The following CTNNA1 variants were observed in gnomAD, a reference collection of about 807,000 sequenced individuals.
The protein encoded by CTNNA1 is catenin alpha-1.
In CTNNA1, 37 loss-of-function variants were observed where a neutral mutation model predicts 98.4. That is an observed-to-expected ratio of 0.38 (90% CI 0.29 to 0.49). The LOEUF is 0.49. CTNNA1 is among the 20% of genes least tolerant of loss of function. The probability of loss-of-function intolerance (pLI) is 0.95; values close to 1 mark genes in which losing one functional copy is unlikely to be tolerated. For synonymous variants in CTNNA1, 404 were observed against 413.2 expected (o/e 0.98, Z 0.27); for missense variants, 761 against 1,147.2 (o/e 0.66, Z 4.86).
chr5:138,932,529 T>C, intron 16 of CTNNA1, 49 bp from the exon 17 acceptor site: 2 of 1,602,706 alleles, frequency 1.2e-6, no homozygotes, highest in South Asian at 1.1e-5. Context: ...GGGTCGGGGG[T>C]GCTTGGGCCA....
intron 7 of CTNNA1, among the ~76,000 whole-genome samples, chr5:138,846,017 C>G (rs937607372): frequency 6.6e-6 from 1 of 152,140 alleles, no homozygotes; most frequent in Non-Finnish European, 1.5e-5. Context: ...ACCTCCGCCC[C>G]CTAGGTTCAA....
intron 3 of CTNNA1, among the ~76,000 whole-genome samples, chr5:138,789,866 C>T (rs1756160808): frequency 6.6e-6 from 1 of 152,218 alleles, no homozygotes; most frequent in African/African-American, 2.4e-5. Flanking sequence ...TGACACAGGA[C>T]TCACTCACTA....
intron 10 of CTNNA1, among the ~76,000 whole-genome samples, chr5:138,905,220 G>A (rs997082847): frequency 5.9e-5 from 9 of 151,890 alleles, no homozygotes; most frequent in African/African-American, 2.2e-4. Flanking sequence ...AGCCTGGGAG[G>A]CAAAGGTTGC....
intron 11 of CTNNA1, among the ~76,000 whole-genome samples, chr5:138,920,906 C>T (rs888624295): frequency 6.6e-6 from 1 of 152,126 alleles, no homozygotes; most frequent in Admixed American, 6.5e-5. Context: ...TGTGTATAAC[C>T]TGGTGCAGCC....
chr5:138,856,667 A>G (rs1763757785), intron 7 of CTNNA1, among the ~76,000 whole-genome samples: 1 of 152,178 alleles, frequency 6.6e-6, no homozygotes, highest in Non-Finnish European at 1.5e-5. Flanking sequence ...TATTTGCACC[A>G]TGTTAGGGAG....
intron 11 of CTNNA1, among the ~76,000 whole-genome samples, chr5:138,919,456 C>T (rs969826116): frequency 4.6e-5 from 7 of 152,162 alleles, no homozygotes; most frequent in Admixed American, 1.3e-4. Flanking sequence ...ATGCACCATT[C>T]GTCAAATCAG....
intron 7 of CTNNA1, among the ~76,000 whole-genome samples, chr5:138,839,227 T>A (rs1235426975): frequency 6.6e-6 from 1 of 152,312 alleles, no homozygotes; most frequent in South Asian, 2.1e-4. Context: ...GCTTTTTATT[T>A]TTTTTTTCTT....
intron 1 of CTNNA1, among the ~76,000 whole-genome samples, chr5:138,780,841 A>T (rs1231386939): frequency 6.6e-6 from 1 of 152,186 alleles, no homozygotes; most frequent in Non-Finnish European, 1.5e-5. Flanking sequence ...GTCTACCAGC[A>T]GTTTGTTGTC....
chr5:138,879,493 T>C (rs1161259597), intron 7 of CTNNA1, among the ~76,000 whole-genome samples: 2 of 152,016 alleles, frequency 1.3e-5, no homozygotes. Context: ...AAAAAGACAG[T>C]GTCTTCACTC....
At chr5:138,910,470 T>G (rs1760367793) in intron 10 of CTNNA1, among the ~76,000 whole-genome samples, 1 of 151,926 alleles carries the variant, frequency 6.6e-6, no homozygotes, top group Non-Finnish European at 1.5e-5. Context: ...TTTCTACTCT[T>G]TGTTTTCTTC....
chr5:138,843,749 C>G (rs1762464758), intron 7 of CTNNA1, among the ~76,000 whole-genome samples: 1 of 152,160 alleles, frequency 6.6e-6, no homozygotes. Context: ...AATGGGATAG[C>G]CAGCTAAGAG....
intron 10 of CTNNA1, among the ~76,000 whole-genome samples, chr5:138,905,947 A>G (rs1457385915): frequency 1.3e-5 from 2 of 152,246 alleles, no homozygotes; most frequent in African/African-American, 4.8e-5. Flanking sequence ...GAGAAATGAA[A>G]TAGAGGTCAT....
chr5:138,754,190 C>T (rs1377075146), intron 1 of CTNNA1: 2 of 150,870 alleles, frequency 1.3e-5, no homozygotes, highest in African/African-American at 4.9e-5. Context: ...GTTGGACGCA[C>T]TTAGCTTTCA....
chr5:138,801,543 G>T (rs961053431), intron 3 of CTNNA1, among the ~76,000 whole-genome samples: 1 of 152,118 alleles, frequency 6.6e-6, no homozygotes, highest in Non-Finnish European at 1.5e-5. Flanking sequence ...TTGTTCAAGG[G>T]TGGCTGTACA....
At chr5:138,823,967 A>C (rs1462459770) in intron 5 of CTNNA1, among the ~76,000 whole-genome samples, 1 of 135,546 alleles carries the variant, frequency 7.4e-6, no homozygotes, top group Admixed American at 7.0e-5. Context: ...AAAAAAAAAA[A>C]AAAAAAAAAA....
At chr5:138,760,072 A>ACAACCTCCG (rs1406103962) in intron 1 of CTNNA1, among the ~76,000 whole-genome samples, 2 of 134,104 alleles carry the variant, frequency 1.5e-5, no homozygotes, top group Admixed American at 1.8e-4. Flanking sequence ...TTGGCTCACC[A>ACAACCTCCG]CAACCTCCGC....
intron 13 of CTNNA1, among the ~76,000 whole-genome samples, chr5:138,926,512 C>A (rs905604051): frequency 6.6e-6 from 1 of 151,344 alleles, no homozygotes; most frequent in African/African-American, 2.4e-5. Flanking sequence ...GGCCCACTTG[C>A]CGATTTCGTT....
At chr5:138,863,691 C>G (rs140403631) in intron 7 of CTNNA1, among the ~76,000 whole-genome samples, 54 of 152,344 alleles carry the variant, frequency 3.5e-4, no homozygotes, top group Admixed American at 2.0e-4. Context: ...AGCCAGTACC[C>G]TGAGACAGCA....
chr5:138,847,337 C>CT (rs1255530883), intron 7 of CTNNA1, among the ~76,000 whole-genome samples: 1 of 151,922 alleles, frequency 6.6e-6, no homozygotes, highest in East Asian at 1.9e-4. Context: ...CTCCCTCCCT[C>CT]TGTTTTTTTA....
Sources: allele counts gnomAD v4.1 joint callset (sites outside exome capture counted in the v4.1 genomes callset), GRCh38; gene constraint gnomAD v4.1.1; transcripts MANE v1.5; gene names NCBI Gene and HGNC (gene_info 2026-07-23, HGNC 2026-07-21).